SCFD2: variants seen among roughly 807,000 people sequenced by gnomAD.
SCFD2 encodes sec1 family domain containing 2, also known as sec1 family domain-containing protein 2.
Under a neutral mutation model 58.9 loss-of-function variants are expected in SCFD2, and 54 were observed. The ratio of observed to expected loss-of-function variants is 0.92; its 90% CI spans 0.74 to 1.15. The LOEUF (loss-of-function observed/expected upper bound fraction) is 1.15. SCFD2 is among the 50% of genes most tolerant of loss of function. The pLI, the probability that SCFD2 is intolerant of heterozygous loss-of-function variation, is 0.00. For synonymous variants in SCFD2, 321 were observed against 335.9 expected, an observed-to-expected ratio of 0.96 and a Z score of 0.49; for missense variants, 805 against 836.6, an observed-to-expected ratio of 0.96 and a Z score of 0.47.
chr4:52,972,880 A>G (rs558876064), intron 5 of SCFD2, among the ~76,000 whole-genome samples: 248 of 152,350 alleles, frequency 1.6e-3, no homozygotes, highest in Non-Finnish European at 3.0e-3. Flanking sequence ...AAACTGCTCA[A>G]CTACATGGAA....
chr4:53,279,617 A>G (rs1731444582), intron 3 of SCFD2, among the ~76,000 whole-genome samples: 1 of 152,250 alleles, frequency 6.6e-6, no homozygotes. Context: ...TTCTTATGAT[A>G]TTGAATTCAA....
intron 4 of SCFD2, among the ~76,000 whole-genome samples, chr4:53,257,222 C>T (rs1331213041): frequency 2.0e-5 from 3 of 152,122 alleles, no homozygotes; most frequent in African/African-American, 4.8e-5. Context: ...TATGGGGCTC[C>T]AGAAGGCAGC....
intron 5 of SCFD2, among the ~76,000 whole-genome samples, chr4:53,142,804 T>C (rs1374295411): frequency 1.3e-5 from 2 of 152,206 alleles, no homozygotes; most frequent in African/African-American, 2.4e-5. Context: ...AGTAAGTCTA[T>C]CTTCAGAAAT....
chr4:53,246,538 G>C (rs551155477), intron 4 of SCFD2, among the ~76,000 whole-genome samples: 24 of 152,174 alleles, frequency 1.6e-4, no homozygotes, highest in African/African-American at 5.8e-4. Flanking sequence ...CCAGAAATAA[G>C]GCTGCACGCC....
At chr4:53,337,055 G>C (rs1404032989) in intron 2 of SCFD2, among the ~76,000 whole-genome samples, 2 of 152,112 alleles carry the variant, frequency 1.3e-5, no homozygotes, top group Non-Finnish European at 2.9e-5. Flanking sequence ...GTCTACTCCA[G>C]TTGCCATAAA....
chr4:53,350,533 C>G lies in SCFD2; in HGVS notation c.1007+2065G>C, dbSNP rs1734184682. 2.6e-5 allele frequency among the ~76,000 whole-genome samples: 4 copies of G among 152,118 alleles called. No homozygotes were observed. The South Asian group carries it at 6.2e-4, about 24-fold the overall frequency. On this transcript the variant is annotated intron_variant, in intron 2 of 8. Transcript: ENST00000401642. ...AAAACCCTTTATTGCTTAAATTAGC[C>G]AAAATTGATTTCCATTGTTTGTATA...
intron 5 of SCFD2, among the ~76,000 whole-genome samples, chr4:52,923,599 G>C (rs1158013434): frequency 4.6e-5 from 7 of 152,136 alleles, no homozygotes; most frequent in Admixed American, 3.3e-4. Context: ...CAGGGGATTG[G>C]GGGGTAGGGG....
chr4:53,231,287 G>A (rs1729430609), intron 4 of SCFD2, among the ~76,000 whole-genome samples: 1 of 152,080 alleles, frequency 6.6e-6, no homozygotes, highest in Admixed American at 6.6e-5. Context: ...CTACTCACTA[G>A]ATAATGCAAG....
intron 5 of SCFD2, among the ~76,000 whole-genome samples, chr4:53,059,332 C>T (rs576375858): frequency 7.2e-5 from 11 of 152,138 alleles, no homozygotes; most frequent in African/African-American, 1.4e-4. Context: ...TTTACAACTA[C>T]CATGGGCCTG....
intron 5 of SCFD2, among the ~76,000 whole-genome samples, chr4:52,945,223 C>G (rs1319117981): frequency 6.6e-6 from 1 of 152,110 alleles, no homozygotes; most frequent in Non-Finnish European, 1.5e-5. Flanking sequence ...AAAGAGATCT[C>G]AAGAGGGACT....
chr4:52,941,140 G>T (rs996107079), intron 5 of SCFD2, among the ~76,000 whole-genome samples: 2 of 151,756 alleles, frequency 1.3e-5, no homozygotes, highest in African/African-American at 4.8e-5. Flanking sequence ...TTTCAACACA[G>T]TTCCAGAAAG....
intron 5 of SCFD2, chr4:52,958,089 A>G (rs913309209): frequency 6.6e-6 from 1 of 152,208 alleles, no homozygotes; most frequent in Non-Finnish European, 1.5e-5. Context: ...GTCAGACACA[A>G]AGGAAAAAAC....
At chr4:52,941,357 C>T (rs1720288267) in intron 5 of SCFD2, among the ~76,000 whole-genome samples, 1 of 152,086 alleles carries the variant, frequency 6.6e-6, no homozygotes, top group African/African-American at 2.4e-5. Flanking sequence ...ATAAACAAAG[C>T]CGTGCATGGC....
chr4:53,256,219 C>A (rs1730622060), intron 4 of SCFD2, among the ~76,000 whole-genome samples: 1 of 150,378 alleles, frequency 6.6e-6, no homozygotes, highest in South Asian at 2.1e-4. Context: ...AGGGCAGTTG[C>A]CAGGCAGAGG....
At chr4:53,349,454 A>G (rs1394604188) in intron 2 of SCFD2, among the ~76,000 whole-genome samples, 1 of 152,212 alleles carries the variant, frequency 6.6e-6, no homozygotes, top group African/African-American at 2.4e-5. Context: ...GATGTGAGCA[A>G]GATAGCTGCA....
intron 4 of SCFD2, among the ~76,000 whole-genome samples, chr4:53,176,150 T>C (rs1262729408): frequency 6.6e-6 from 1 of 152,238 alleles, no homozygotes; most frequent in Non-Finnish European, 1.5e-5. Flanking sequence ...TGTCATTGAA[T>C]ACTTAGATTT....
intron 3 of SCFD2, among the ~76,000 whole-genome samples, chr4:53,299,438 G>C (rs2149095952): frequency 6.6e-6 from 1 of 152,260 alleles, no homozygotes; most frequent in South Asian, 2.1e-4. Flanking sequence ...AGAAATATGG[G>C]ACTATGTGAA....
intron 4 of SCFD2, among the ~76,000 whole-genome samples, chr4:53,247,586 G>A (rs138302243): frequency 0.018 from 2,731 of 152,224 alleles, 81 homozygotes; most frequent in African/African-American, 0.057. Context: ...CAGGCCGGGC[G>A]CGGTGGCTCA....
chr4:53,030,669 G>A (rs957472551), intron 5 of SCFD2, among the ~76,000 whole-genome samples: 16 of 152,196 alleles, frequency 1.1e-4, no homozygotes, highest in African/African-American at 3.6e-4. Flanking sequence ...TGATCTCCCT[G>A]CCTCAGCCTC....
Sources: gnomAD v4.1 joint callset for allele counts (sites outside exome capture counted in the v4.1 genomes callset) on GRCh38, gnomAD v4.1.1 for gene constraint, MANE v1.5 for transcripts, NCBI Gene and HGNC (gene_info 2026-07-23, HGNC 2026-07-21) for gene names.